Variants in LRBA observed in about 807,000 individuals in gnomAD.
The protein encoded by LRBA is lipopolysaccharide-responsive and beige-like anchor protein.
A neutral mutation model predicts 330.0 loss-of-function variants in LRBA; 176 were observed. That is an observed-to-expected ratio of 0.53 (90% CI 0.47 to 0.60). LRBA has a LOEUF of 0.60. Ranked by LOEUF, LRBA falls within the 20% of genes least tolerant of loss-of-function variation. The pLI, the probability that LRBA is intolerant of heterozygous loss-of-function variation, is 0.00. For missense variants in LRBA, 3,259 were observed against 3,444.8 expected (o/e 0.95, Z 1.35); for synonymous variants, 1,230 against 1,193.0 (o/e 1.03, Z -0.64).
At position 150,530,583 on chromosome 4, in the gene LRBA, G is replaced by C. The variant is rs540167085; in HGVS notation, c.6331-39548C>G. Reference sequence around the variant, plus strand: ...GTTATATTTTGCACTGTTTCCAAAAGTTATCCTGTAGGATTAAATTCATCT... The same window carrying C: ...GTTATATTTTGCACTGTTTCCAAAACTTATCCTGTAGGATTAAATTCATCT... On this transcript the variant is annotated intron_variant, in intron 40 of 56. Transcript: ENST00000651943. Among the ~76,000 whole-genome samples the C allele has an allele frequency of 7.9e-5, 12 of 152,268 alleles. No homozygotes were observed. The East Asian group carries it at 2.3e-3, about 29-fold the overall frequency.
At chr4:150,700,649 T>TA (rs1361871164) in intron 36 of LRBA, among the ~76,000 whole-genome samples, 4 of 152,150 alleles carry the variant, frequency 2.6e-5, no homozygotes, top group Non-Finnish European at 5.9e-5. Context: ...TTCATAAACT[T>TA]AAAATTTTTT....
chr4:150,510,335 T>C lies in LRBA; in HGVS notation c.6331-19300A>G, dbSNP rs908484880. Among the ~76,000 whole-genome samples, 5 of 152,174 alleles carry C rather than the reference T, an allele frequency of 3.3e-5. No homozygotes were observed. In the South Asian group the frequency reaches 1.0e-3, roughly 32 times the overall value. ...AAACTCTATACAAACTTGTCCAGAA[T>C]ATTAAAGAGGAAAGAATACGTGCCA... On this transcript the variant is annotated intron_variant, in intron 40 of 56. Coordinates refer to ENST00000651943, the MANE Select transcript of LRBA (RefSeq NM_001364905.1).
intron 45 of LRBA, among the ~76,000 whole-genome samples, chr4:150,436,326 T>C (rs2151994698): frequency 6.6e-6 from 1 of 152,312 alleles, no homozygotes; most frequent in East Asian, 1.9e-4. Flanking sequence ...CAATATATTA[T>C]CAATACACGA....
At chr4:150,386,310 A>C (rs1436058053) in intron 47 of LRBA, among the ~76,000 whole-genome samples, 2 of 152,110 alleles carry the variant, frequency 1.3e-5, no homozygotes, top group East Asian at 1.9e-4. Flanking sequence ...TAGTTTAACA[A>C]ATTTAAAAAG....
At chr4:150,911,974 T>G (rs747912519) in intron 9 of LRBA, among the ~76,000 whole-genome samples, 4 of 152,238 alleles carry the variant, frequency 2.6e-5, no homozygotes, top group Non-Finnish European at 5.9e-5. Flanking sequence ...TCCGATTTGT[T>G]GGCATATACT....
intron 42 of LRBA, among the ~76,000 whole-genome samples, chr4:150,487,163 T>A (rs549569104): frequency 6.6e-6 from 1 of 151,744 alleles, no homozygotes; most frequent in East Asian, 1.9e-4. Context: ...AGTAGTGGGA[T>A]TGCAGGATCA....
intron 40 of LRBA, among the ~76,000 whole-genome samples, chr4:150,553,859 T>C (rs572008430): frequency 6.6e-6 from 1 of 152,204 alleles, no homozygotes; most frequent in South Asian, 2.1e-4. Context: ...AAGGGAAGCT[T>C]TTATTAGCCC....
At chr4:150,824,709 C>T (rs115691841) in intron 30 of LRBA, among the ~76,000 whole-genome samples, 6,635 of 152,240 alleles carry the variant, frequency 0.044, 233 homozygotes, top group Non-Finnish European at 0.066. Flanking sequence ...ATGTATCACA[C>T]TGATAGTTTG....
intron 47 of LRBA, among the ~76,000 whole-genome samples, chr4:150,384,728 A>G (rs1727297802): frequency 6.6e-6 from 1 of 152,082 alleles, no homozygotes; most frequent in Non-Finnish European, 1.5e-5. Flanking sequence ...AATTTGTTGG[A>G]TTTATAAAAT....
intron 53 of LRBA, among the ~76,000 whole-genome samples, chr4:150,298,245 A>G (rs1171155571): frequency 6.6e-6 from 1 of 152,184 alleles, no homozygotes; most frequent in Non-Finnish European, 1.5e-5. Context: ...GCACATGTGC[A>G]CAGAGGCAGC....
intron 35 of LRBA, among the ~76,000 whole-genome samples, chr4:150,745,705 G>A (rs1014097824): frequency 6.6e-6 from 1 of 151,906 alleles, no homozygotes. Flanking sequence ...TAGTAGAGAC[G>A]GGATTTCACT....
At chr4:150,604,214 G>C (rs1419498305) in intron 37 of LRBA, among the ~76,000 whole-genome samples, 2 of 151,970 alleles carry the variant, frequency 1.3e-5, no homozygotes, top group African/African-American at 2.4e-5. Flanking sequence ...TTCAAGACCA[G>C]CCTGGGCAAC....
chr4:150,684,580 T>C (rs1214534462), intron 36 of LRBA, among the ~76,000 whole-genome samples: 2 of 152,204 alleles, frequency 1.3e-5, no homozygotes, highest in Non-Finnish European at 1.5e-5. Flanking sequence ...AGATACACTA[T>C]AATTGCTAGT....
rs568147732 is a variant in LRBA at position 150,281,148 on chromosome 4, G to T, written c.8316+1302C>A. Among the ~76,000 whole-genome samples the T allele has an allele frequency of 5.6e-4, 86 of 152,252 alleles. 1 individual carries two copies. The highest frequency in any genetic ancestry group is 2.0e-3 in the African/African-American group (84 of 41,540). On this transcript the variant is annotated intron_variant, in intron 55 of 56. Transcript: ENST00000651943. ...GCCAGGGATCTCAAATTATTTTACA[G>T]ATTTATTAGCGTAGCTGACAATATA...
chr4:150,779,886 A>G (rs752332347), intron 34 of LRBA, among the ~76,000 whole-genome samples: 8 of 152,208 alleles, frequency 5.3e-5, no homozygotes, highest in Non-Finnish European at 8.8e-5. Flanking sequence ...ACAGATTACA[A>G]ATGATTTATA....
At chr4:150,506,270 A>G (rs1761065598) in intron 40 of LRBA, among the ~76,000 whole-genome samples, 1 of 152,148 alleles carries the variant, frequency 6.6e-6, no homozygotes, top group Admixed American at 6.5e-5. Flanking sequence ...CAGAGACACA[A>G]CCAAAAAAGA....
chr4:150,402,066 A>G (rs1745549592), intron 47 of LRBA, among the ~76,000 whole-genome samples: 1 of 151,804 alleles, frequency 6.6e-6, no homozygotes, highest in Non-Finnish European at 1.5e-5. Context: ...CGAGACGGGC[A>G]AATCATAAGG....
rs188166921 is a variant in LRBA at position 150,489,131 on chromosome 4, A to C, written c.6449-1297T>G. Among the ~76,000 whole-genome samples the C allele has an allele frequency of 3.3e-3, 324 of 98,498 alleles. 1 individual carries two copies. The highest frequency in any genetic ancestry group is 6.6e-3 in the African/African-American group (162 of 24,576). The allele number at this position is 98,498 out of a possible 152,430, so 64.6% of individuals were successfully genotyped here. ...TATATATCATATATAATATATAAGA[A>C]TATATAATATATAATATATCAGAAT... On this transcript the variant is annotated intron_variant, in intron 41 of 56. Transcript: ENST00000651943.
At chr4:150,542,267 C>G (rs1561325901) in intron 40 of LRBA, among the ~76,000 whole-genome samples, 1 of 152,138 alleles carries the variant, frequency 6.6e-6, no homozygotes, top group African/African-American at 2.4e-5. Context: ...ATTGGACTAC[C>G]TGGGTTCAAA....
Sources: allele counts gnomAD v4.1 joint callset (sites outside exome capture counted in the v4.1 genomes callset), GRCh38; gene constraint gnomAD v4.1.1; transcripts MANE v1.5; gene names NCBI Gene and HGNC (gene_info 2026-07-23, HGNC 2026-07-21).